DPP3: variants seen among roughly 807,000 people sequenced by gnomAD.
DPP3 encodes the protein DPP III.
Under a neutral mutation model 89.8 loss-of-function variants are expected in DPP3, and 64 were observed. The observed-to-expected ratio is 0.71, with a 90% CI of 0.58 to 0.88. The LOEUF (loss-of-function observed/expected upper bound fraction) is 0.88, where lower values mean the gene tolerates loss of function less well. DPP3 is among the 40% of genes least tolerant of loss of function. The pLI is 0.00. For missense variants in DPP3, 835 were observed against 972.5 expected (o/e 0.86, Z 1.88); for synonymous variants, 377 against 404.3 (o/e 0.93, Z 0.81).
At position 66,495,596 on chromosome 11, in the gene DPP3, T is replaced by C. The variant is rs771396337; in HGVS notation, c.1578-34T>C. On this transcript the variant is annotated intron_variant, in intron 14 of 17. Transcript: ENST00000531863. ...AGTGGGATGGGGACAGGGCAGCCTC[T>C]GACCATCCTGCCACCTGCCTGCCCC... 4.3e-6 allele frequency: 7 copies of C among 1,614,034 alleles called. No homozygotes were observed. In the South Asian group the frequency reaches 6.6e-5, roughly 15 times the overall value.
chr11:66,494,160 G>C (rs1855472836), intron 12 of DPP3, among the ~76,000 whole-genome samples: 1 of 152,178 alleles, frequency 6.6e-6, no homozygotes, highest in Non-Finnish European at 1.5e-5. Flanking sequence ...CTTCTTGCCA[G>C]CCGGCCAGAG....
At chr11:66,507,945 G>A (rs1855845094) in intron 17 of DPP3, among the ~76,000 whole-genome samples, 1 of 152,164 alleles carries the variant, frequency 6.6e-6, no homozygotes, top group Non-Finnish European at 1.5e-5. Flanking sequence ...CCAAAGTGCT[G>A]GCATTACAGG....
At chr11:66,497,919 T>TTTTA (rs756217457) in intron 16 of DPP3, among the ~76,000 whole-genome samples, 1 of 151,850 alleles carries the variant, frequency 6.6e-6, no homozygotes, top group Non-Finnish European at 1.5e-5. Flanking sequence ...TAAGGACATC[T>TTTTA]TTTATTTATT....
intron 3 of DPP3, 26 bp downstream of exon 3, chr11:66,485,288 G>A (rs1565266393): frequency 6.2e-7 from 1 of 1,609,058 alleles, no homozygotes; most frequent in Non-Finnish European, 8.5e-7. Flanking sequence ...GTTGGGGAAG[G>A]TGGGGATGGG....
chr11:66,498,509 G>A (rs1855600006), intron 16 of DPP3, among the ~76,000 whole-genome samples: 1 of 152,244 alleles, frequency 6.6e-6, no homozygotes, highest in Non-Finnish European at 1.5e-5. Flanking sequence ...GATTACAGGT[G>A]TGAGGCACTG....
intron 2 of DPP3, 143 bp from the exon 3 acceptor site, chr11:66,485,030 C>T: frequency 2.7e-6 from 2 of 744,896 alleles, no homozygotes; most frequent in East Asian, 2.7e-5. Flanking sequence ...CAGACTGGGG[C>T]TTCCCAGGAC....
chr11:66,483,928 A>G (rs1855154514), intron 2 of DPP3, among the ~76,000 whole-genome samples: 1 of 152,060 alleles, frequency 6.6e-6, no homozygotes, highest in African/African-American at 2.4e-5. Context: ...ATCCGTGGAA[A>G]TGTTTATAAA....
intron 5 of DPP3, 124 bp downstream of exon 5, chr11:66,487,466 G>T: frequency 2.0e-6 from 2 of 988,108 alleles, no homozygotes; most frequent in Non-Finnish European, 3.1e-6. Flanking sequence ...GGGAAGGCGC[G>T]ACCCCTGCCC....
chr11:66,501,206 A>G (rs1271662355), intron 16 of DPP3, among the ~76,000 whole-genome samples: 1 of 151,758 alleles, frequency 6.6e-6, no homozygotes, highest in Non-Finnish European at 1.5e-5. Context: ...AAAAAGTGCA[A>G]AAAAGTTAGC....
chr11:66,492,658 G>GT (rs1236227529), intron 9 of DPP3, 58 bp from the exon 10 acceptor site: 1 of 1,522,890 alleles, frequency 6.6e-7, no homozygotes, highest in Non-Finnish European at 8.8e-7. Flanking sequence ...CTGGAGTAGG[G>GT]TGAAGTGGGA....
At chr11:66,494,879 A>ATC (rs1855489812) in intron 12 of DPP3, among the ~76,000 whole-genome samples, 1 of 152,204 alleles carries the variant, frequency 6.6e-6, no homozygotes. Context: ...CCATTGGGGC[A>ATC]TCTCCCACTG....
In DPP3 at chr11:66,509,281, A is replaced by G. The variant is rs201819981; in HGVS notation, c.*30A>G. 9.5e-5 allele frequency: 151 copies of G among 1,582,640 alleles called. No individual in the cohort carries two copies. Among genetic ancestry groups the G allele is most frequent in the Non-Finnish European group, 1.3e-4 (146 of 1,163,460 alleles). Reference sequence around the variant, plus strand: ...GATGTGTGGCCTTGCCCCCAATTCCATCAGACCAAGGCTGCAAGTGGCCCT... The same window carrying G: ...GATGTGTGGCCTTGCCCCCAATTCCGTCAGACCAAGGCTGCAAGTGGCCCT... On this transcript the variant is annotated 3_prime_UTR_variant, in exon 18 of 18. Transcript: ENST00000531863.
rs921013323 is a variant in DPP3 at position 66,493,678 on chromosome 11, A to G, written c.1389+45A>G. On this transcript the variant is annotated intron_variant, in intron 12 of 17. Coordinates refer to ENST00000531863, the MANE Select transcript of DPP3 (RefSeq NM_130443.4). ...CCCTGGCACCCCAGCCTACAGCTCC[A>G]CTCCCCACAACCTGCCCTACCCAGC... 3.2e-6 allele frequency: 5 copies of G among 1,552,044 alleles called. No individual in the cohort carries two copies. The Admixed American group carries it at 9.4e-5, about 29-fold the overall frequency.
In DPP3 at chr11:66,486,526, C is replaced by T. The variant is rs756413600; in HGVS notation, c.361-14C>T. ...GGTGGTGTGACTGGGCCATTGGCCT[C>T]CCTTTCCTTGCAGGAAAAGCTGGAA... On this transcript the variant is annotated splice_polypyrimidine_tract_variant and intron_variant, in intron 3 of 17. Coordinates refer to ENST00000531863, the MANE Select transcript of DPP3 (RefSeq NM_130443.4). 4.0e-6 allele frequency: 6 copies of T among 1,493,584 alleles called. No homozygotes were observed. Among genetic ancestry groups the T allele is most frequent in the Middle Eastern group, 1.8e-4 (1 of 5,594 alleles). 92.5% of individuals were successfully genotyped at this position (1,493,584 alleles called of 1,614,324 possible).
At chr11:66,505,441 C>T (rs1855776088) in intron 17 of DPP3, among the ~76,000 whole-genome samples, 1 of 152,158 alleles carries the variant, frequency 6.6e-6, no homozygotes, top group Non-Finnish European at 1.5e-5. Context: ...GCCTAGTCAC[C>T]TGACATTTCT....
chr11:66,499,584 A>C (rs1390245890), intron 16 of DPP3, among the ~76,000 whole-genome samples: 1 of 151,574 alleles, frequency 6.6e-6, no homozygotes, highest in African/African-American at 2.4e-5. Flanking sequence ...AGCCTGGCCA[A>C]CATGGTGAAG....
rs199967193 is a variant in DPP3, at chr11:66,504,573, A to G, written c.1879-39A>G. On this transcript the variant is annotated intron_variant, in intron 16 of 17. Coordinates refer to ENST00000531863, the MANE Select transcript of DPP3 (RefSeq NM_130443.4). ...TGGCAGAGCCCTGTGGACACCGGGT[A>G]ACTGCCCATCCTAGACATTTACTCC... The G allele has an allele frequency of 1.7e-5, 26 of 1,567,234 alleles. No individual in the cohort carries two copies. The Admixed American group carries it at 1.8e-4, about 11-fold the overall frequency.
chr11:66,492,709 T>TCCCTCC lies in DPP3; in HGVS notation c.989-6_989-5insCCTCCC, dbSNP rs1855423955. On this transcript the variant is annotated splice_polypyrimidine_tract_variant and splice_region_variant and intron_variant, in intron 9 of 17. Transcript: ENST00000531863. ...TGCCAAGCCACAACCCCCTCCCTCC[T>TCCCTCC]CTGCAGGTTTCGTAGCTGTGGTGAA... 1 of 1,571,674 alleles carries TCCCTCC rather than the reference T, an allele frequency of 6.4e-7. No homozygotes were observed. The highest frequency in any genetic ancestry group is 1.2e-5 in the South Asian group (1 of 83,306).
chr11:66,501,825 C>CAAAAAAAAAAAAAA (rs35196491), intron 16 of DPP3, among the ~76,000 whole-genome samples: 9 of 84,430 alleles, frequency 1.1e-4, no homozygotes, highest in African/African-American at 3.8e-4. Context: ...ACTTTGTCTC[C>CAAAAAAAAAAAAAA]AAAAAAAAAA....
Sources: allele counts gnomAD v4.1 joint callset (sites outside exome capture counted in the v4.1 genomes callset), GRCh38; gene constraint gnomAD v4.1.1; transcripts MANE v1.5; gene names NCBI Gene and HGNC (gene_info 2026-07-23, HGNC 2026-07-21).